GALNT13: variants seen among roughly 807,000 people sequenced by gnomAD.
The protein encoded by GALNT13 is polypeptide N-acetylgalactosaminyltransferase 13, also known as UDP-GalNAc:polypeptide N-acetylgalactosaminyltransferase 13.
GALNT13 carries 28 observed loss-of-function variants against 64.2 expected under a neutral mutation model. That is an observed-to-expected ratio of 0.44 (90% CI 0.32 to 0.60). The LOEUF is 0.60. GALNT13 is among the 20% of genes least tolerant of loss of function. GALNT13 has a pLI of 0.05. For synonymous variants in GALNT13, 214 were observed against 224.6 expected (o/e 0.95, Z 0.42); for missense variants, 577 against 669.8 (o/e 0.86, Z 1.53).
intron 4 of GALNT13, among the ~76,000 whole-genome samples, chr2:154,165,208 CAG>C (rs568551384): frequency 1.3e-5 from 2 of 152,208 alleles, no homozygotes; most frequent in African/African-American, 2.4e-5. Context: ...TATAATCTAA[CAG>C]GGGTCAATTA....
rs548957577 is a variant in GALNT13 at position 154,317,200 on chromosome 2, G to A, written c.1156+15611G>A. 7.4e-5 allele frequency among the ~76,000 whole-genome samples: 10 copies of A among 135,262 alleles called. No homozygotes were observed. The East Asian group carries it at 1.8e-3, about 25-fold the overall frequency. The allele number at this position is 135,262 out of a possible 152,430, so 88.7% of individuals were successfully genotyped here. On this transcript the variant is annotated intron_variant, in intron 9 of 12. Coordinates refer to ENST00000392825, the MANE Select transcript of GALNT13 (RefSeq NM_052917.4). ...TGTACTCCAGCGTGAGTGACAAAGC[G>A]AGACATCTCAAAAAAAAAAAAAAAA...
At chr2:153,086,174 T>C in the GALNT13 span, among the ~76,000 whole-genome samples, 4 of 152,212 alleles carry the variant, frequency 2.6e-5, no homozygotes, top group Non-Finnish European at 5.9e-5. Flanking sequence ...TAACTTGCTG[T>C]TGATTTTACA....
At chr2:154,330,735 A>G (rs1489338196) in intron 9 of GALNT13, among the ~76,000 whole-genome samples, 2 of 152,210 alleles carry the variant, frequency 1.3e-5, no homozygotes, top group Middle Eastern at 3.4e-3. Flanking sequence ...CATAGTTCTA[A>G]ACCCAAGTTT....
chr2:153,676,499 G>C, the GALNT13 span, among the ~76,000 whole-genome samples: 36,429 of 151,974 alleles, frequency 0.24, 4,905 homozygotes, highest in Admixed American at 0.36. Context: ...AGGAATTCCT[G>C]CCTAGCTCAT....
chr2:154,178,824 G>A (rs1181350388), intron 4 of GALNT13, among the ~76,000 whole-genome samples: 1 of 152,122 alleles, frequency 6.6e-6, no homozygotes, highest in Non-Finnish European at 1.5e-5. Context: ...TCTTCTAAAT[G>A]CAAATAGTAA....
chr2:154,419,555 A>T (rs2105419878), intron 11 of GALNT13, among the ~76,000 whole-genome samples: 1 of 152,258 alleles, frequency 6.6e-6, no homozygotes, highest in South Asian at 2.1e-4. Context: ...TTCCATTTTC[A>T]TAAGATATTT....
At chr2:153,908,983 C>T (rs757267803) in intron 2 of GALNT13, among the ~76,000 whole-genome samples, 18 of 151,916 alleles carry the variant, frequency 1.2e-4, no homozygotes, top group African/African-American at 1.9e-4. Flanking sequence ...TTGCTTTGGG[C>T]AGTATGGCCA....
the GALNT13 span, among the ~76,000 whole-genome samples, chr2:153,645,978 C>A: frequency 2.0e-5 from 3 of 151,982 alleles, no homozygotes; most frequent in African/African-American, 7.2e-5. Context: ...AAAATGGGTT[C>A]ATGCTTACAT....
chr2:154,204,863 C>T (rs372769017), intron 4 of GALNT13, among the ~76,000 whole-genome samples: 1 of 152,178 alleles, frequency 6.6e-6, no homozygotes, highest in African/African-American at 2.4e-5. Flanking sequence ...CAGTTCTCCC[C>T]TCTTCATTGA....
chr2:153,814,897 G>T, the GALNT13 span, among the ~76,000 whole-genome samples: 64,321 of 152,004 alleles, frequency 0.42, 14,588 homozygotes, highest in Admixed American at 0.58. Context: ...CCATATCCTA[G>T]AGCAAGGAAG....
intron 3 of GALNT13, among the ~76,000 whole-genome samples, chr2:154,060,011 A>G (rs971612691): frequency 2.6e-5 from 4 of 152,104 alleles, no homozygotes; most frequent in Non-Finnish European, 4.4e-5. Flanking sequence ...TTGGAAGGTA[A>G]TTACTTTTAG....
chr2:153,338,637 T>G, the GALNT13 span, among the ~76,000 whole-genome samples: 1 of 152,214 alleles, frequency 6.6e-6, no homozygotes, highest in Non-Finnish European at 1.5e-5. Flanking sequence ...GAAGAACACT[T>G]GAAATCTACT....
chr2:153,512,096 G>A, the GALNT13 span, among the ~76,000 whole-genome samples: 9 of 152,114 alleles, frequency 5.9e-5, no homozygotes, highest in African/African-American at 9.7e-5. Flanking sequence ...ATAACTGAAC[G>A]GGGAAGTCAT....
At chr2:154,253,107 G>C (rs1241317873) in intron 7 of GALNT13, among the ~76,000 whole-genome samples, 1 of 152,126 alleles carries the variant, frequency 6.6e-6, no homozygotes, top group Non-Finnish European at 1.5e-5. Flanking sequence ...ACTGTTACAT[G>C]TATTAACTCA....
At chr2:153,289,464 T>C in the GALNT13 span, among the ~76,000 whole-genome samples, 1 of 152,170 alleles carries the variant, frequency 6.6e-6, no homozygotes, top group Admixed American at 6.5e-5. Context: ...GAGACTCAGA[T>C]GGTTTTTGTA....
At chr2:154,147,586 G>T (rs1269860733) in intron 4 of GALNT13, among the ~76,000 whole-genome samples, 2 of 151,776 alleles carry the variant, frequency 1.3e-5, no homozygotes, top group African/African-American at 4.8e-5. Flanking sequence ...CTGGTTAGAG[G>T]AGGGCCAATG....
the GALNT13 span, among the ~76,000 whole-genome samples, chr2:153,581,203 CT>C: frequency 2.6e-5 from 4 of 152,152 alleles, no homozygotes; most frequent in Middle Eastern, 0.014. Flanking sequence ...GAAAAAGACT[CT>C]TTCTCTAGAC....
chr2:154,051,275 C>T (rs1054574381), intron 3 of GALNT13, among the ~76,000 whole-genome samples: 1 of 142,864 alleles, frequency 7.0e-6, no homozygotes, highest in Non-Finnish European at 1.5e-5. Context: ...TTATCTTACT[C>T]CTTCTTTTTT....
chr2:153,142,035 C>A, the GALNT13 span, among the ~76,000 whole-genome samples: 1 of 152,012 alleles, frequency 6.6e-6, no homozygotes, highest in African/African-American at 2.4e-5. Context: ...AGAGAGACAT[C>A]ATGAAGCGTT....
Sources: allele counts gnomAD v4.1 joint callset (sites outside exome capture counted in the v4.1 genomes callset), GRCh38; gene constraint gnomAD v4.1.1; transcripts MANE v1.5; gene names NCBI Gene and HGNC (gene_info 2026-07-23, HGNC 2026-07-21).